The following RAB38 variants were observed in gnomAD, a reference collection of about 807,000 sequenced individuals.
RAB38 encodes the protein RAB38, member RAS oncogene family.
In RAB38, 15 loss-of-function variants were observed where a neutral mutation model predicts 18.4. The ratio of observed to expected loss-of-function variants is 0.82; its 90% CI spans 0.55 to 1.26. RAB38 has a LOEUF of 1.26. Ranked by LOEUF, RAB38 falls within the 50% of genes most tolerant of loss-of-function variation. RAB38 has a pLI of 0.00. For missense variants in RAB38, 294 were observed against 267.4 expected (o/e 1.10, Z -0.69); for synonymous variants, 101 against 104.4 (o/e 0.97, Z 0.20).
At chr11:87,818,663 A>G in the RAB38 span, among the ~76,000 whole-genome samples, 5 of 152,214 alleles carry the variant, frequency 3.3e-5, no homozygotes, top group African/African-American at 4.8e-5. Flanking sequence ...CACAACACTT[A>G]CAAACTATAA....
chr11:87,841,954 TCTTC>T, the RAB38 span, among the ~76,000 whole-genome samples: 1 of 152,212 alleles, frequency 6.6e-6, no homozygotes, highest in African/African-American at 2.4e-5. Flanking sequence ...GTTATCTTTT[TCTTC>T]CTTTCTTTTA....
chr11:88,130,583 A>T (rs928268396), intron 2 of RAB38, among the ~76,000 whole-genome samples: 6 of 152,204 alleles, frequency 3.9e-5, no homozygotes, highest in African/African-American at 1.4e-4. Flanking sequence ...CAATCAGGAG[A>T]CTGCTTTGAA....
the RAB38 span, among the ~76,000 whole-genome samples, chr11:88,014,397 T>C: frequency 6.6e-6 from 1 of 152,154 alleles, no homozygotes; most frequent in Non-Finnish European, 1.5e-5. Flanking sequence ...CCCGGTCTGT[T>C]ACTTGTTTTA....
chr11:88,036,736 A>C, the RAB38 span, among the ~76,000 whole-genome samples: 1 of 152,072 alleles, frequency 6.6e-6, no homozygotes, highest in South Asian at 2.1e-4. Flanking sequence ...ATGATTATTT[A>C]CTTGAGAACT....
the RAB38 span, among the ~76,000 whole-genome samples, chr11:87,842,813 C>T: frequency 8.0e-3 from 520 of 64,720 alleles, 2 homozygotes; most frequent in Middle Eastern, 0.015. Flanking sequence ...CACACACGCG[C>T]GCGCACACAC....
the RAB38 span, among the ~76,000 whole-genome samples, chr11:87,956,171 TTTAC>T: frequency 6.6e-6 from 1 of 152,158 alleles, no homozygotes; most frequent in South Asian, 2.1e-4. Flanking sequence ...TCTGAAAATA[TTTAC>T]TTGTAAGTAA....
At chr11:88,103,683 C>A in the RAB38 span, among the ~76,000 whole-genome samples, 62 of 152,210 alleles carry the variant, frequency 4.1e-4, no homozygotes, top group Middle Eastern at 6.8e-3. Context: ...ATACACTGTG[C>A]CAGTTTTCAA....
the RAB38 span, among the ~76,000 whole-genome samples, chr11:87,976,563 A>T: frequency 8.4e-6 from 1 of 119,196 alleles, no homozygotes; most frequent in African/African-American, 3.2e-5. Flanking sequence ...TACTTATATA[A>T]CTATACAATA....
the RAB38 span, among the ~76,000 whole-genome samples, chr11:87,872,357 T>C: frequency 6.6e-6 from 1 of 151,614 alleles, no homozygotes; most frequent in African/African-American, 2.4e-5. Context: ...AGTTCCCATA[T>C]GCTTTCTCGT....
the RAB38 span, among the ~76,000 whole-genome samples, chr11:87,886,985 G>A: frequency 2.6e-5 from 4 of 151,936 alleles, no homozygotes; most frequent in Non-Finnish European, 5.9e-5. Context: ...GTAAAAGCCC[G>A]AGAGTAAAAT....
At chr11:87,939,379 T>TACATACACAC in the RAB38 span, among the ~76,000 whole-genome samples, 1 of 146,296 alleles carries the variant, frequency 6.8e-6, no homozygotes, top group Non-Finnish European at 1.5e-5. Flanking sequence ...CACACATACA[T>TACATACACAC]ACACACACAC....
chr11:87,924,466 C>G, the RAB38 span, among the ~76,000 whole-genome samples: 1 of 151,918 alleles, frequency 6.6e-6, no homozygotes, highest in Non-Finnish European at 1.5e-5. Flanking sequence ...AGGTCATAAA[C>G]TGAAATATTA....
intron 2 of RAB38, among the ~76,000 whole-genome samples, chr11:88,139,701 A>G (rs963906130): frequency 1.3e-5 from 2 of 152,232 alleles, no homozygotes; most frequent in African/African-American, 4.8e-5. Flanking sequence ...CCAAAAACAT[A>G]TATTCTAAGC....
At chr11:87,836,284 T>A in the RAB38 span, among the ~76,000 whole-genome samples, 1 of 152,212 alleles carries the variant, frequency 6.6e-6, no homozygotes, top group African/African-American at 2.4e-5. Context: ...ACTGTGCAGT[T>A]AGATGACTAA....
chr11:88,090,199 G>A, the RAB38 span, among the ~76,000 whole-genome samples: 81 of 152,060 alleles, frequency 5.3e-4, 1 homozygote, highest in East Asian at 0.012. Flanking sequence ...TAATAGAAGC[G>A]TCTTTAGGCC....
chr11:87,848,447 A>G, the RAB38 span, among the ~76,000 whole-genome samples: 1 of 152,160 alleles, frequency 6.6e-6, no homozygotes, highest in Non-Finnish European at 1.5e-5. Context: ...TCTTTGAGCA[A>G]ATTAAGCTTA....
At chr11:88,144,666 A>C (rs1357831181) in intron 2 of RAB38, among the ~76,000 whole-genome samples, 1 of 152,212 alleles carries the variant, frequency 6.6e-6, no homozygotes, top group Non-Finnish European at 1.5e-5. Flanking sequence ...AACGTAAGAA[A>C]GCTTCTTCCC....
At chr11:88,076,969 A>AAAG in the RAB38 span, among the ~76,000 whole-genome samples, 1 of 112,806 alleles carries the variant, frequency 8.9e-6, no homozygotes, top group African/African-American at 3.5e-5. Flanking sequence ...AAAAAAAAAA[A>AAAG]AAAAAAGAAA....
At chr11:88,119,591 G>C (rs1456610625) in intron 2 of RAB38, among the ~76,000 whole-genome samples, 1 of 150,372 alleles carries the variant, frequency 6.7e-6, no homozygotes, top group African/African-American at 2.5e-5. Context: ...CTGGTTACTT[G>C]TCAGTTTTTT....
Sources: gnomAD v4.1 joint callset for allele counts (sites outside exome capture counted in the v4.1 genomes callset) on GRCh38, gnomAD v4.1.1 for gene constraint, MANE v1.5 for transcripts, NCBI Gene and HGNC (gene_info 2026-07-23, HGNC 2026-07-21) for gene names.